SPTSSB: variants seen among roughly 807,000 people sequenced by gnomAD.
SPTSSB encodes the protein serine palmitoyltransferase small subunit B.
In SPTSSB, 6 loss-of-function variants were observed where a neutral mutation model predicts 7.7. The ratio of observed to expected loss-of-function variants is 0.78; its 90% CI spans 0.43 to 1.54. The LOEUF (loss-of-function observed/expected upper bound fraction) is 1.54, where lower values mean the gene tolerates loss of function less well. Among genes scored for constraint, SPTSSB ranks in the 40% most tolerant of loss-of-function variants. The pLI is 0.01. For missense variants in SPTSSB, 91 were observed against 93.0 expected, an observed-to-expected ratio of 0.98 and a Z score of 0.09; for synonymous variants, 28 against 29.7, an observed-to-expected ratio of 0.94 and a Z score of 0.19.
At chr3:161,366,075 AC>A (rs1313366461) in intron 1 of SPTSSB, among the ~76,000 whole-genome samples, 1 of 151,934 alleles carries the variant, frequency 6.6e-6, no homozygotes, top group Non-Finnish European at 1.5e-5. Flanking sequence ...CAACACTTTC[AC>A]TCTTCAAACG....
intron 1 of SPTSSB, among the ~76,000 whole-genome samples, chr3:161,361,062 A>G (rs988620702): frequency 2.0e-5 from 3 of 152,146 alleles, no homozygotes; most frequent in African/African-American, 7.2e-5. Context: ...TATCCATAGA[A>G]AGCTAGATGG....
intron 1 of SPTSSB, among the ~76,000 whole-genome samples, chr3:161,362,570 C>T (rs336589): frequency 0.61 from 93,377 of 151,972 alleles, 29,959 homozygotes; most frequent in East Asian, 0.97. Context: ...AGAAACAAAT[C>T]AGAATCTATA....
chr3:161,348,355 A>G (rs1714358429), intron 2 of SPTSSB, among the ~76,000 whole-genome samples: 1 of 152,222 alleles, frequency 6.6e-6, no homozygotes, highest in Non-Finnish European at 1.5e-5. Flanking sequence ...TGCTTTCTCT[A>G]TTAAAATTAG....
intron 1 of SPTSSB, among the ~76,000 whole-genome samples, chr3:161,365,168 C>T (rs1715165687): frequency 6.6e-6 from 1 of 152,206 alleles, no homozygotes; most frequent in South Asian, 2.1e-4. Flanking sequence ...ATATGAATTA[C>T]TTTATGCAGC....
At chr3:161,364,625 C>T (rs1278262257) in intron 1 of SPTSSB, among the ~76,000 whole-genome samples, 2 of 151,708 alleles carry the variant, frequency 1.3e-5, no homozygotes, top group Non-Finnish European at 2.9e-5. Context: ...AATACAACAC[C>T]CTTAGGTTTA....
At chr3:161,346,503 A>G (rs73878304) in intron 2 of SPTSSB, 148 bp from the exon 3 acceptor site, 28,816 of 448,638 alleles carry the variant, frequency 0.064, 1,481 homozygotes, top group South Asian at 0.17. Flanking sequence ...GTAAAATAAT[A>G]CATACTATAT....
At chr3:161,369,872 T>C (rs920860555) in intron 1 of SPTSSB, among the ~76,000 whole-genome samples, 7 of 152,224 alleles carry the variant, frequency 4.6e-5, no homozygotes, top group African/African-American at 1.7e-4. Context: ...CACAATTGTT[T>C]GCAGTTCTTA....
chr3:161,352,723 C>T (rs1181676628), intron 2 of SPTSSB, among the ~76,000 whole-genome samples: 2 of 152,160 alleles, frequency 1.3e-5, no homozygotes, highest in Non-Finnish European at 2.9e-5. Context: ...TGTCTGCTTT[C>T]AGGCAATGAG....
intron 2 of SPTSSB, among the ~76,000 whole-genome samples, chr3:161,355,496 C>T (rs987671251): frequency 1.3e-5 from 2 of 152,182 alleles, no homozygotes; most frequent in African/African-American, 4.8e-5. Context: ...GTGGTGTATA[C>T]ATACAATGGA....
At chr3:161,368,914 T>C (rs1272128495) in intron 1 of SPTSSB, among the ~76,000 whole-genome samples, 2 of 152,256 alleles carry the variant, frequency 1.3e-5, no homozygotes, top group African/African-American at 4.8e-5. Flanking sequence ...CTGAATAATA[T>C]TTTATCATTT....
At chr3:161,359,013 G>T (rs1714899298) in intron 2 of SPTSSB, among the ~76,000 whole-genome samples, 2 of 152,202 alleles carry the variant, frequency 1.3e-5, no homozygotes, top group Non-Finnish European at 2.9e-5. Flanking sequence ...ATTTGTTTTT[G>T]TCCACATCCC....
At chr3:161,347,506 C>G (rs1349469239) in intron 2 of SPTSSB, among the ~76,000 whole-genome samples, 1 of 151,586 alleles carries the variant, frequency 6.6e-6, no homozygotes, top group Non-Finnish European at 1.5e-5. Context: ...AGGTGATCTG[C>G]CCGCCTCAGC....
At chr3:161,347,254 C>CTATT (rs528543478) in intron 2 of SPTSSB, among the ~76,000 whole-genome samples, 284 of 151,966 alleles carry the variant, frequency 1.9e-3, no homozygotes, top group African/African-American at 6.7e-3. Context: ...TATGTTGTGG[C>CTATT]TATTTATTTA....
intron 2 of SPTSSB, chr3:161,359,302 A>G (rs182823380): frequency 2.0e-5 from 3 of 152,358 alleles, no homozygotes; most frequent in East Asian, 1.9e-4. Context: ...ATTAAAACAT[A>G]TATTCCTCTC....
At chr3:161,362,011 TG>T (rs1715037828) in intron 1 of SPTSSB, among the ~76,000 whole-genome samples, 1 of 152,146 alleles carries the variant, frequency 6.6e-6, no homozygotes, top group Non-Finnish European at 1.5e-5. Context: ...CCAACCTGAT[TG>T]ATTTATTTTT....
chr3:161,360,517 G>T (rs1043806734), intron 1 of SPTSSB, among the ~76,000 whole-genome samples: 7 of 152,150 alleles, frequency 4.6e-5, no homozygotes, highest in African/African-American at 1.7e-4. Context: ...TTAGGTGTGA[G>T]AATTAAATGA....
At chr3:161,361,069 A>T (rs1438714304) in intron 1 of SPTSSB, among the ~76,000 whole-genome samples, 1 of 152,184 alleles carries the variant, frequency 6.6e-6, no homozygotes, top group African/African-American at 2.4e-5. Context: ...AGAAAGCTAG[A>T]TGGAGAAGTC....
intron 2 of SPTSSB, among the ~76,000 whole-genome samples, chr3:161,349,668 A>G (rs1714427255): frequency 6.6e-6 from 1 of 152,206 alleles, no homozygotes; most frequent in Non-Finnish European, 1.5e-5. Flanking sequence ...TTGTGTATTC[A>G]AAGGTGGCAC....
intron 2 of SPTSSB, among the ~76,000 whole-genome samples, chr3:161,353,244 G>T (rs993093857): frequency 2.0e-5 from 3 of 152,176 alleles, no homozygotes; most frequent in Non-Finnish European, 4.4e-5. Flanking sequence ...AGCAACTGTA[G>T]TGTCTTGTCA....
Sources: allele counts gnomAD v4.1 joint callset (sites outside exome capture counted in the v4.1 genomes callset), GRCh38; gene constraint gnomAD v4.1.1; transcripts MANE v1.5; gene names NCBI Gene and HGNC (gene_info 2026-07-23, HGNC 2026-07-21).